RNF20: variants seen among roughly 807,000 people sequenced by gnomAD.
RNF20 encodes the protein E3 ubiquitin-protein ligase BRE1A.
In RNF20, 84 loss-of-function variants were observed where a neutral mutation model predicts 126.2. The observed-to-expected ratio is 0.67, with a 90% CI of 0.56 to 0.80. RNF20 has a LOEUF of 0.80. Among genes scored for constraint, RNF20 ranks in the 30% least tolerant of loss-of-function variants. RNF20 has a pLI of 0.00. For missense variants in RNF20, 869 were observed against 1,188.2 expected (o/e 0.73, Z 3.95); for synonymous variants, 400 against 414.3 (o/e 0.97, Z 0.42).
chr9:101,558,329 A>G (rs768108035), intron 16 of RNF20, among the ~76,000 whole-genome samples: 21 of 152,134 alleles, frequency 1.4e-4, no homozygotes, highest in African/African-American at 1.9e-4. Flanking sequence ...TCCAATTCCA[A>G]TTCCATCCGG....
chr9:101,549,770 C>T (rs941502481), intron 9 of RNF20, among the ~76,000 whole-genome samples: 2 of 152,314 alleles, frequency 1.3e-5, no homozygotes, highest in Admixed American at 1.3e-4. Flanking sequence ...CTGGTCACTT[C>T]TCACTGTGTC....
intron 5 of RNF20, 45 bp from the exon 6 acceptor site, chr9:101,544,722 A>AG: frequency 7.7e-7 from 1 of 1,291,580 alleles, no homozygotes; most frequent in Non-Finnish European, 1.1e-6. Flanking sequence ...AAAAAAAAAA[A>AG]TGACACTCTA....
Position 101,552,467 on chromosome 9 carries a change from G to C in RNF20, c.1615G>C (p.Asp539His). Residue 539 changes from aspartate (D) to histidine (H), a missense_variant, in exon 13 of 20, where the codon GAT becomes CAT. Coordinates refer to ENST00000389120, the MANE Select transcript of RNF20 (RefSeq NM_019592.7). ...PKDEPAELKP[D>H]SEDLSSQSSA... ...GGATGAGCCTGCGGAGCTAAAACCA[G>C]ATTCTGAGGACTTATCCTCCCAGTC... The C allele has an allele frequency of 6.2e-7, 1 of 1,613,690 alleles. No individual in the cohort carries two copies. Among genetic ancestry groups the C allele is most frequent in the African/African-American group, 1.3e-5 (1 of 75,022 alleles).
At chr9:101,553,575 T>G (rs999876278) in intron 13 of RNF20, among the ~76,000 whole-genome samples, 7 of 152,162 alleles carry the variant, frequency 4.6e-5, no homozygotes, top group Non-Finnish European at 1.5e-5. Flanking sequence ...TCTTGAACTC[T>G]TTAAGGCAAT....
At chr9:101,551,884 G>A in intron 11 of RNF20, 65 bp downstream of exon 11, 4 of 1,509,220 alleles carry the variant, frequency 2.7e-6, no homozygotes, top group Non-Finnish European at 3.6e-6. Flanking sequence ...ATACAACACA[G>A]ACCCCAGGGT....
chr9:101,550,697 G>A lies in RNF20; in HGVS notation c.1184G>A (p.Ser395Asn), dbSNP rs1176754901. The change falls in exon 10 of 20, where the codon AGC (serine) becomes AAC (asparagine). Residue 395 changes from serine to asparagine, a missense_variant. This residue lies in a region of RNF20 where 153 missense variants were observed against 226.4 expected (regional missense o/e 0.68). Coordinates refer to ENST00000389120, the MANE Select transcript of RNF20 (RefSeq NM_019592.7). ...CAGTTCTCCGTCTTGTATAATGAGA[G>A]CCTACAGTTGAAAGCACACTTGGAT... is the stretch of plus-strand genomic sequence containing the variant. ...QSQFSVLYNESLQLKAHLDEA... is the reference protein window; with the variant it reads ...QSQFSVLYNENLQLKAHLDEA... 1.2e-6 allele frequency: 2 copies of A among 1,613,990 alleles called. No homozygotes were observed. Among genetic ancestry groups the A allele is most frequent in the Non-Finnish European group, 1.7e-6 (2 of 1,179,986 alleles).
At chr9:101,540,467 T>A in intron 3 of RNF20, 23 bp from the exon 4 acceptor site, 1 of 1,612,766 alleles carries the variant, frequency 6.2e-7, no homozygotes, top group Non-Finnish European at 8.5e-7. Flanking sequence ...TGTTTCTTCA[T>A]AATTGTACCT....
At chr9:101,547,568 A>C (rs780956676) in intron 9 of RNF20, 50 bp downstream of exon 9, 1 of 1,606,748 alleles carries the variant, frequency 6.2e-7, no homozygotes, top group East Asian at 2.2e-5. Context: ...CTGCTGATCA[A>C]CTCACGTATA....
intron 10 of RNF20, among the ~76,000 whole-genome samples, chr9:101,551,115 A>G (rs910413935): frequency 2.0e-5 from 3 of 152,206 alleles, no homozygotes; most frequent in Non-Finnish European, 2.9e-5. Flanking sequence ...AAAGTAAGGT[A>G]TAAATATTAA....
At chr9:101,545,899 T>C (rs1827339683) in intron 6 of RNF20, among the ~76,000 whole-genome samples, 1 of 152,180 alleles carries the variant, frequency 6.6e-6, no homozygotes. Context: ...TGGCTGGCTG[T>C]TGATGCTGCC....
chr9:101,563,342 G>T lies in RNF20; in HGVS notation c.*920G>T, dbSNP rs1049609940. The T allele has an allele frequency of 3.5e-4, 53 of 152,676 alleles. No homozygotes were observed. The highest frequency in any genetic ancestry group is 3.4e-3 in the Middle Eastern group (1 of 294). The allele number at this position is 152,676 out of a possible 1,614,324, so 9.5% of individuals were successfully genotyped here. On this transcript the variant is annotated 3_prime_UTR_variant, in exon 20 of 20. Coordinates refer to ENST00000389120, the MANE Select transcript of RNF20 (RefSeq NM_019592.7). Reference sequence around the variant, plus strand: ...CTTGAATTAAAGCAGGATTCAGTTTGCATTTGTGTTTATGGTTTTTCTTTG... The same window carrying T: ...CTTGAATTAAAGCAGGATTCAGTTTTCATTTGTGTTTATGGTTTTTCTTTG...
chr9:101,562,057 G>A, intron 19 of RNF20, 46 bp downstream of exon 19: 1 of 1,424,984 alleles, frequency 7.0e-7, no homozygotes, highest in East Asian at 2.3e-5. Context: ...AAAGCTTTAA[G>A]TGGCCTAATA....
chr9:101,548,447 TAA>T (rs1827388562), intron 9 of RNF20, among the ~76,000 whole-genome samples: 1 of 152,188 alleles, frequency 6.6e-6, no homozygotes, highest in Non-Finnish European at 1.5e-5. Flanking sequence ...TGAAATATGC[TAA>T]GAGTAGATCT....
intron 6 of RNF20, among the ~76,000 whole-genome samples, chr9:101,546,205 A>T (rs189908492): frequency 6.6e-6 from 1 of 152,308 alleles, no homozygotes; most frequent in East Asian, 1.9e-4. Context: ...CAAAGGGTAT[A>T]TATAGATTAA....
chr9:101,557,434 A>G lies in RNF20; in HGVS notation c.2220A>G (p.Glu740=). 6.2e-7 allele frequency: 1 copy of G among 1,614,064 alleles called. No homozygotes were observed. The highest frequency in any genetic ancestry group is 8.5e-7 in the Non-Finnish European group (1 of 1,179,932). The change falls in exon 16 of 20, where the codon GAA becomes GAG. Residue 740 remains glutamate, a synonymous_variant. Transcript: ENST00000389120. ...SEMDVTGQAF[E]DMQEQNIRLM... ...TGGATGTCACAGGCCAGGCCTTTGA[A>G]GACATGCAGGAGCAAAATATCCGTT...
In RNF20 at chr9:101,554,669, T is replaced by G. The variant is rs1287160949; in HGVS notation, c.2020-25T>G. 4 of 1,603,106 alleles carry G rather than the reference T, an allele frequency of 2.5e-6. No homozygotes were observed. In the South Asian group the frequency reaches 4.5e-5, roughly 18 times the overall value. ...GAAAATGTGTTATAACTTTTTATTT[T>G]TGTGCAATTCCTTTCCTCTTATAGT... On this transcript the variant is annotated intron_variant, in intron 14 of 19. Transcript: ENST00000389120.
intron 16 of RNF20, among the ~76,000 whole-genome samples, chr9:101,559,018 T>G (rs1381963455): frequency 1.3e-5 from 2 of 152,198 alleles, no homozygotes; most frequent in African/African-American, 4.8e-5. Flanking sequence ...CTTTCTAGAA[T>G]TTTTATGGTT....
chr9:101,538,296 A>G (rs563792935), intron 2 of RNF20, among the ~76,000 whole-genome samples: 1 of 152,326 alleles, frequency 6.6e-6, no homozygotes, highest in South Asian at 2.1e-4. Flanking sequence ...GGTTATCTGT[A>G]TGGGTATTGA....
chr9:101,535,655 A>C, intron 2 of RNF20, 103 bp downstream of exon 2: 1 of 1,295,602 alleles, frequency 7.7e-7, no homozygotes, highest in Non-Finnish European at 1.1e-6. Context: ...AGCTATTTGA[A>C]AAGAAGAGGG....
Sources: allele counts gnomAD v4.1 joint callset (sites outside exome capture counted in the v4.1 genomes callset), GRCh38; gene constraint gnomAD v4.1.1; regional missense constraint gnomAD v4.1.1; transcripts MANE v1.5; gene names NCBI Gene and HGNC (gene_info 2026-07-23, HGNC 2026-07-21).